Variants in MAPKBP1 observed in about 807,000 individuals in gnomAD.
MAPKBP1 encodes the protein mitogen-activated protein kinase-binding protein 1.
A neutral mutation model predicts 170.5 loss-of-function variants in MAPKBP1; 71 were observed. That is an observed-to-expected ratio of 0.42 (90% confidence interval 0.34 to 0.51). The LOEUF (loss-of-function observed/expected upper bound fraction) is 0.51, where lower values mean the gene tolerates loss of function less well. Ranked by LOEUF, MAPKBP1 falls within the 20% of genes least tolerant of loss-of-function variation. The pLI is 0.06. For synonymous variants in MAPKBP1, 719 were observed against 757.9 expected (o/e 0.95, Z 0.84); for missense variants, 1,598 against 1,933.0 (o/e 0.83, Z 3.25).
intron 2 of MAPKBP1, among the ~76,000 whole-genome samples, chr15:41,796,612 C>A (rs114850645): frequency 3.5e-4 from 53 of 151,014 alleles, no homozygotes; most frequent in East Asian, 2.1e-3. Flanking sequence ...TTTTCCCCCC[C>A]CTTGGATAGC....
chr15:41,814,503 T>C, intron 9 of MAPKBP1, 47 bp from the exon 10 acceptor site: 1 of 1,574,790 alleles, frequency 6.4e-7, no homozygotes, highest in Non-Finnish European at 8.7e-7. Flanking sequence ...TGGCTTCTCT[T>C]TTCATTCCCT....
Position 41,786,778 on chromosome 15 carries a change from ATATATATAT to A in MAPKBP1, c.114+11390_114+11398del, listed in dbSNP as rs1227952869. Among the ~76,000 whole-genome samples the A allele has an allele frequency of 5.4e-4, 16 of 29,466 alleles. 3 individuals are homozygous for A. Among genetic ancestry groups the A allele is most frequent in the African/African-American group, 1.4e-3 (13 of 8,990 alleles). The allele number at this position is 29,466 out of a possible 152,430, so 19.3% of individuals were successfully genotyped here. A position where few individuals can be genotyped will look rare whatever the true frequency, so the allele number is the denominator to read the frequency against. ...AGACTCCGTCTAAAAAAAAAAAAAA[ATATATATAT>A]ATATATATATATATATAGGTATAAT... On this transcript the variant is annotated intron_variant, in intron 2 of 30. Transcript: ENST00000457542.
At position 41,816,578 on chromosome 15, in the gene MAPKBP1, C is replaced by G. The variant is rs1303586833; in HGVS notation, c.1513C>G (p.Leu505Val). 3 of 1,614,116 alleles carry G rather than the reference C, an allele frequency of 1.9e-6. No homozygotes were observed. Among genetic ancestry groups the G allele is most frequent in the African/African-American group, 1.3e-5 (1 of 75,056 alleles). The stretch of plus-strand genomic sequence containing the variant: ...TTGCAGGGTGCACGAACTTCAGTCC[C>G]TGAGTGAGATGCTGAAGGTGGAGGC... ...GTLRVHELQS[L>V]SEMLKVEAHD... is the part of the protein sequence containing the mutation. The change falls in exon 13 of 31, where the codon CTG becomes GTG. Residue 505 changes from leucine to valine, a missense_variant. Around this residue, in one of 6 missense-constraint regions of MAPKBP1, gnomAD observed 430 missense variants for 617.2 expected, o/e 0.70. Coordinates refer to ENST00000457542, the MANE Select transcript of MAPKBP1 (RefSeq NM_014994.3).
intron 3 of MAPKBP1, among the ~76,000 whole-genome samples, chr15:41,804,990 G>C (rs1370648476): frequency 6.6e-6 from 1 of 152,144 alleles, no homozygotes; most frequent in Non-Finnish European, 1.5e-5. Flanking sequence ...TTTCTTATCT[G>C]ATCATCCTTA....
In MAPKBP1 at chr15:41,823,872, G is replaced by A. The variant is rs771502393; in HGVS notation, c.4024G>A (p.Gly1342Arg). ...HSTTERWACL[G>R]EGTTPKPRTE... ...TACAACTGAGAGATGGGCCTGTTTG[G>A]GGGAGGGCACCACTCCCAAGCCTAG... The change falls in exon 29 of 31, where the codon GGG becomes AGG. Residue 1342 changes from glycine (G) to arginine (R), a missense_variant. Physicochemically the swap from Gly to Arg is moderately radical, Grantham distance 125. Transcript: ENST00000457542. The A allele has an allele frequency of 2.5e-6, 4 of 1,614,064 alleles. No individual in the cohort carries two copies. The African/African-American group carries it at 5.3e-5, about 22-fold the overall frequency.
chr15:41,813,184 G>A, intron 8 of MAPKBP1, 83 bp downstream of exon 8: 2 of 1,545,518 alleles, frequency 1.3e-6, no homozygotes, highest in East Asian at 2.2e-5. Context: ...CAGACTAGGG[G>A]CTGGTCCCTT....
chr15:41,820,406 G>A (rs979203044), intron 22 of MAPKBP1, among the ~76,000 whole-genome samples: 3 of 152,130 alleles, frequency 2.0e-5, no homozygotes, highest in Admixed American at 6.5e-5. Flanking sequence ...AGTGGCCTTT[G>A]CCCTGGGCTG....
chr15:41,809,951 T>TA (rs1225882840), intron 3 of MAPKBP1, among the ~76,000 whole-genome samples: 3 of 152,338 alleles, frequency 2.0e-5, no homozygotes, highest in African/African-American at 4.8e-5. Flanking sequence ...TGTGGCACTG[T>TA]AAGGCTTTCC....
rs1352930475 is a variant in MAPKBP1 at position 41,812,021 on chromosome 15, A to G, written c.392A>G (p.Gln131Arg). ...GAGCACAGCCAGGTGGCCGAGCTGC[A>G]GGAGCACAAGTATGGTGTGGCTTGT... ...VAEHSQVAEL[Q>R]EHKYGVACVA... The change falls in exon 6 of 31, where the codon CAG (glutamine) becomes CGG (arginine). Residue 131 changes from glutamine to arginine, a missense_variant. Gln to Arg is a conservative substitution (Grantham distance 43). This residue lies in a region of MAPKBP1 where 151 missense variants were observed against 191.4 expected (regional missense o/e 0.79). Transcript: ENST00000457542. 3.1e-6 allele frequency: 5 copies of G among 1,614,116 alleles called. No individual in the cohort carries two copies. Among genetic ancestry groups the G allele is most frequent in the Non-Finnish European group, 4.2e-6 (5 of 1,180,008 alleles).
At position 41,774,519 on chromosome 15, in the gene MAPKBP1, T is replaced by TCTACCGCTGCGG. The variant is rs926101844; in HGVS notation, c.-193_-182dup. On this transcript the variant is annotated 5_prime_UTR_variant, in exon 1 of 31. Transcript: ENST00000457542. ...TGCCACCATAGCTCCTGCTGCTGCC[T>TCTACCGCTGCGG]CTACCGCTGCGGCTACCGCGGCGGA... 7.0e-5 allele frequency: 28 copies of TCTACCGCTGCGG among 398,562 alleles called. No homozygotes were observed. The highest frequency in any genetic ancestry group is 4.5e-4 in the African/African-American group (22 of 48,766). The allele number at this position is 398,562 out of a possible 1,614,324, so 24.7% of individuals were successfully genotyped here.
chr15:41,819,717 C>T, intron 22 of MAPKBP1, 67 bp downstream of exon 22: 1 of 1,492,588 alleles, frequency 6.7e-7, no homozygotes, highest in Non-Finnish European at 9.1e-7. Flanking sequence ...GAGAACAGGG[C>T]TCTCTGGGCC....
At position 41,818,428 on chromosome 15, in the gene MAPKBP1, T is replaced by C. The variant is rs2064930086; in HGVS notation, c.2093-91T>C. 2.1e-6 allele frequency: 3 copies of C among 1,452,222 alleles called. No individual in the cohort carries two copies. The highest frequency in any genetic ancestry group is 1.4e-5 in the African/African-American group (1 of 71,690). The allele number at this position is 1,452,222 out of a possible 1,614,324, so 90.0% of individuals were successfully genotyped here. A position where few individuals can be genotyped will look rare whatever the true frequency, so the allele number is the denominator to read the frequency against. The stretch of plus-strand genomic sequence containing the variant: ...CCCGCAGAGCTACCTATCCCTACCC[T>C]GCAGCCAACCCCCGTGTCCACTGTT... On this transcript the variant is annotated intron_variant, in intron 18 of 30. Transcript: ENST00000457542. This position sits in a 1 kb window ranked among gnomAD's most constrained non-coding sequence, Gnocchi z 5.2.
At chr15:41,801,789 G>A (rs1265739464) in intron 3 of MAPKBP1, among the ~76,000 whole-genome samples, 1 of 152,094 alleles carries the variant, frequency 6.6e-6, no homozygotes, top group Non-Finnish European at 1.5e-5. Context: ...GGTGGAGGTT[G>A]CAGTGAGTGC....
intron 2 of MAPKBP1, among the ~76,000 whole-genome samples, chr15:41,795,244 AG>A: frequency 6.6e-6 from 1 of 152,248 alleles, no homozygotes; most frequent in South Asian, 2.1e-4. Context: ...CAGTAAAGCT[AG>A]TCTGGAAGGC....
In MAPKBP1 at chr15:41,817,511, T is replaced by G; in HGVS notation, c.1782+53T>G. 6.2e-7 allele frequency: 1 copy of G among 1,613,746 alleles called. No individual in the cohort carries two copies. The highest frequency in any genetic ancestry group is 1.1e-5 in the South Asian group (1 of 91,066). On this transcript the variant is annotated intron_variant, in intron 15 of 30. Coordinates refer to ENST00000457542, the MANE Select transcript of MAPKBP1 (RefSeq NM_014994.3). The surrounding 1 kb of genome is among the most constrained non-coding windows in gnomAD (Gnocchi z 4.2). ...GGCGGGACAGGGCGGGGTCTGCCAT[T>G]CCCTGCCTAAGGTTACAAGAGGTGA... is the stretch of plus-strand genomic sequence containing the variant.
chr15:41,807,983 G>A (rs2064728964), intron 3 of MAPKBP1, among the ~76,000 whole-genome samples: 1 of 150,484 alleles, frequency 6.6e-6, no homozygotes, highest in Non-Finnish European at 1.5e-5. Context: ...AGGTTGCAGT[G>A]AGCCGAGATC....
chr15:41,823,957 G>C lies in MAPKBP1; in HGVS notation c.4109G>C (p.Ser1370Thr), dbSNP rs758323172. Residue 1370 changes from serine (S) to threonine (T), a missense_variant, in exon 29 of 31, where the codon AGC (serine) becomes ACC (threonine). Coordinates refer to ENST00000457542, the MANE Select transcript of MAPKBP1 (RefSeq NM_014994.3). ...CCCTGTGCCCAGCAACTGCCAGTCA[G>C]CAGCCTCTTCCAAGGCCCTGAAAAC... is the stretch of plus-strand genomic sequence containing the variant. ...SSPCAQQLPV[S>T]SLFQGPENLQ... is the part of the protein sequence containing the mutation. The C allele has an allele frequency of 6.2e-7, 1 of 1,613,990 alleles. No homozygotes were observed. Among genetic ancestry groups the C allele is most frequent in the South Asian group, 1.1e-5 (1 of 91,086 alleles).
At position 41,821,705 on chromosome 15, in the gene MAPKBP1, G is replaced by T; in HGVS notation, c.2840G>T (p.Gly947Val). The T allele has an allele frequency of 6.2e-7, 1 of 1,614,152 alleles. No homozygotes were observed. The highest frequency in any genetic ancestry group is 2.2e-5 in the East Asian group (1 of 44,882). The change falls in exon 24 of 31, where the codon GGT becomes GTT. Residue 947 changes from glycine to valine, a missense_variant. Gly to Val is a moderately radical substitution (Grantham distance 109). Around this residue, in one of 6 missense-constraint regions of MAPKBP1, gnomAD observed 942 missense variants for 953.2 expected, o/e 0.99. Coordinates refer to ENST00000457542, the MANE Select transcript of MAPKBP1 (RefSeq NM_014994.3). ...QDLEPAPIED[G>V]IVYPEPSDNP... is the part of the protein sequence containing the mutation. ...CTGGAACCTGCACCCATTGAAGATG[G>T]TATTGTCTACCCGGAGCCGAGTGAC... is the stretch of plus-strand genomic sequence containing the variant.
At chr15:41,811,398 A>G in intron 5 of MAPKBP1, 163 bp downstream of exon 5, 1 of 759,866 alleles carries the variant, frequency 1.3e-6, no homozygotes, top group Non-Finnish European at 2.3e-6. Flanking sequence ...TTTAGTGTAC[A>G]TCAGAATCAC....
Sources: allele counts gnomAD v4.1 joint callset (sites outside exome capture counted in the v4.1 genomes callset), GRCh38; gene constraint gnomAD v4.1.1; regional missense constraint gnomAD v4.1.1; non-coding constraint Gnocchi (gnomAD v3.1); transcripts MANE v1.5; gene names NCBI Gene and HGNC (gene_info 2026-07-23, HGNC 2026-07-21).